Variants in DSCAM observed in about 807,000 individuals in gnomAD.
DSCAM encodes DS cell adhesion molecule, also known as cell adhesion molecule DSCAM.
A neutral mutation model predicts 217.7 loss-of-function variants in DSCAM; 47 were observed. The ratio of observed to expected loss-of-function variants is 0.22; its 90% CI spans 0.17 to 0.28. The LOEUF is 0.28. DSCAM is among the 10% of genes least tolerant of loss of function. The probability of loss-of-function intolerance (pLI) is 1.00; values close to 1 mark genes in which losing one functional copy is unlikely to be tolerated. For missense variants in DSCAM, 2,080 were observed against 2,618.3 expected (o/e 0.79, Z 4.49); for synonymous variants, 1,056 against 1,015.3 (o/e 1.04, Z -0.76).
At chr21:40,062,760 A>C in intron 28 of DSCAM, 109 bp downstream of exon 28, 1 of 1,021,670 alleles carries the variant, frequency 9.8e-7, no homozygotes, top group Non-Finnish European at 1.4e-6. Flanking sequence ...TAAAAAGAAA[A>C]GACATTATCA....
chr21:40,560,937 C>A (rs1166774107), intron 3 of DSCAM, among the ~76,000 whole-genome samples: 2 of 152,260 alleles, frequency 1.3e-5, no homozygotes, highest in Middle Eastern at 6.8e-3. Context: ...TAAAGTCAAA[C>A]CATCATTGCT....
rs1260226060 is a variant in DSCAM, at chr21:40,144,534, C to G, written c.3216G>C (p.Thr1072=). Residue 1072 remains threonine (T), a synonymous_variant, in exon 17 of 33, where the codon ACG becomes ACC. Transcript: ENST00000400454. This position sits in a 1 kb window ranked among gnomAD's most constrained non-coding sequence, Gnocchi z 4.8. ...LVVQACNRAG[T]GPSSQEIITT... is the part of the protein sequence containing the mutation. ...TGATGATTTCCTGAGAAGAAGGCCCCGTGCCGGCCCGGTTACAGGCCTGCA... is the reference window on the plus strand; with the variant it reads ...TGATGATTTCCTGAGAAGAAGGCCCGGTGCCGGCCCGGTTACAGGCCTGCA... 1 of 1,614,190 alleles carries G rather than the reference C, an allele frequency of 6.2e-7. No individual in the cohort carries two copies. The highest frequency in any genetic ancestry group is 1.1e-5 in the South Asian group (1 of 91,076).
At chr21:40,591,077 T>C (rs1275377416) in intron 3 of DSCAM, among the ~76,000 whole-genome samples, 1 of 151,244 alleles carries the variant, frequency 6.6e-6, no homozygotes, top group Non-Finnish European at 1.5e-5. Context: ...GTTCTCGTGA[T>C]AGTGAAGGAG....
intron 1 of DSCAM, among the ~76,000 whole-genome samples, chr21:40,791,489 C>T (rs1324772109): frequency 1.3e-5 from 2 of 151,520 alleles, no homozygotes; most frequent in Non-Finnish European, 2.9e-5. Flanking sequence ...CCCGTCTGTA[C>T]TAAAAATACA....
chr21:40,431,077 A>C (rs1459432926), intron 3 of DSCAM, among the ~76,000 whole-genome samples: 2 of 152,244 alleles, frequency 1.3e-5, no homozygotes, highest in Non-Finnish European at 2.9e-5. Flanking sequence ...CTCTGCGAAG[A>C]TAAATAGAAC....
At chr21:40,376,594 C>CGATATCTATATATCTTATATA (rs1569093049) in intron 3 of DSCAM, among the ~76,000 whole-genome samples, 4 of 108,738 alleles carry the variant, frequency 3.7e-5, no homozygotes, top group African/African-American at 1.4e-4. Context: ...TATCTTATAT[C>CGATATCTATATATCTTATATA]GATATCTATA....
At chr21:40,243,673 G>T (rs1395315875) in intron 11 of DSCAM, among the ~76,000 whole-genome samples, 1 of 152,114 alleles carries the variant, frequency 6.6e-6, no homozygotes, top group Non-Finnish European at 1.5e-5. Flanking sequence ...TAGATTTTTT[G>T]CTCCTCCACA....
intron 11 of DSCAM, among the ~76,000 whole-genome samples, chr21:40,255,000 G>C (rs986287736): frequency 6.6e-6 from 1 of 151,862 alleles, no homozygotes. Flanking sequence ...AAGGCCCCCT[G>C]GTCTAATCAC....
At chr21:40,092,370 A>ACATTTATTTCAGCAGTCAGCCTCC (rs2089622781) in intron 21 of DSCAM, among the ~76,000 whole-genome samples, 1 of 152,224 alleles carries the variant, frequency 6.6e-6, no homozygotes, top group Admixed American at 6.5e-5. Context: ...GATTTAGGGA[A>ACATTTATTTCAGCAGTCAGCCTCC]CATTTATTTC....
At chr21:40,737,725 G>A (rs2091079276) in intron 1 of DSCAM, among the ~76,000 whole-genome samples, 1 of 152,130 alleles carries the variant, frequency 6.6e-6, no homozygotes, top group South Asian at 2.1e-4. Flanking sequence ...ACAGGGAGAG[G>A]AACACAATCT....
chr21:40,082,696 A>C (rs2089479969), intron 24 of DSCAM, among the ~76,000 whole-genome samples: 2 of 87,188 alleles, frequency 2.3e-5, no homozygotes. Context: ...TTCTTTCCTA[A>C]AAGAAAAAAA....
intron 9 of DSCAM, among the ~76,000 whole-genome samples, chr21:40,305,418 G>C (rs923855746): frequency 6.9e-6 from 1 of 144,256 alleles, no homozygotes; most frequent in Non-Finnish European, 1.5e-5. Flanking sequence ...AGGAAGAAAA[G>C]AAAAGTGCAG....
chr21:40,636,614 A>G (rs1568952886), intron 3 of DSCAM, among the ~76,000 whole-genome samples: 1 of 152,106 alleles, frequency 6.6e-6, no homozygotes, highest in Non-Finnish European at 1.5e-5. Flanking sequence ...ATGCCTTGGC[A>G]TCACTCAGGC....
chr21:40,226,738 T>C (rs2091336321), intron 11 of DSCAM, among the ~76,000 whole-genome samples: 1 of 152,228 alleles, frequency 6.6e-6, no homozygotes, highest in South Asian at 2.1e-4. Context: ...TCAGCAATTA[T>C]TTAACATTTT....
At chr21:40,251,283 G>T (rs1434183434) in intron 11 of DSCAM, among the ~76,000 whole-genome samples, 2 of 152,150 alleles carry the variant, frequency 1.3e-5, no homozygotes, top group East Asian at 3.9e-4. Context: ...CAGAATAAAG[G>T]CTAAGTTATT....
At chr21:40,450,640 A>G (rs2075711096) in intron 3 of DSCAM, among the ~76,000 whole-genome samples, 1 of 152,176 alleles carries the variant, frequency 6.6e-6, no homozygotes, top group African/African-American at 2.4e-5. Context: ...AATGTTTGAG[A>G]TTTTTATCTT....
intron 19 of DSCAM, among the ~76,000 whole-genome samples, chr21:40,126,747 G>A (rs1401682996): frequency 6.6e-6 from 1 of 152,186 alleles, no homozygotes; most frequent in East Asian, 1.9e-4. Context: ...GCCGATCAAG[G>A]GACTTTTACT....
intron 1 of DSCAM, among the ~76,000 whole-genome samples, chr21:40,734,894 G>C (rs928831209): frequency 6.6e-6 from 1 of 152,188 alleles, no homozygotes; most frequent in Non-Finnish European, 1.5e-5. Context: ...TATTTATGTA[G>C]ACAAACGTGA....
intron 11 of DSCAM, among the ~76,000 whole-genome samples, chr21:40,214,054 C>G (rs1214483712): frequency 2.0e-5 from 3 of 152,198 alleles, no homozygotes; most frequent in African/African-American, 7.2e-5. Context: ...GACGGAAACC[C>G]AGCAAACACA....
Sources: allele counts gnomAD v4.1 joint callset (sites outside exome capture counted in the v4.1 genomes callset), GRCh38; gene constraint gnomAD v4.1.1; non-coding constraint Gnocchi (gnomAD v3.1); transcripts MANE v1.5; gene names NCBI Gene and HGNC (gene_info 2026-07-23, HGNC 2026-07-21).